Variants in PLXDC1 observed in about 807,000 individuals in gnomAD.
PLXDC1 encodes the protein plexin domain-containing protein 1.
PLXDC1 carries 39 observed loss-of-function variants against 61.3 expected under a neutral mutation model. The observed-to-expected ratio is 0.64, with a 90% CI of 0.49 to 0.83. PLXDC1 has a LOEUF of 0.83. PLXDC1 is among the 40% of genes least tolerant of loss of function. PLXDC1 has a pLI of 0.00. For missense variants in PLXDC1, 596 were observed against 666.5 expected, an observed-to-expected ratio of 0.89 and a Z score of 1.17; for synonymous variants, 212 against 254.5, an observed-to-expected ratio of 0.83 and a Z score of 1.59.
chr17:39,072,687 G>A (rs1909171227), intron 11 of PLXDC1: 1 of 601,310 alleles, frequency 1.7e-6, no homozygotes, highest in Non-Finnish European at 3.0e-6. Flanking sequence ...AGCGGGGACT[G>A]GTGAGAGATG....
At chr17:39,130,239 G>A (rs755580836) in intron 2 of PLXDC1, among the ~76,000 whole-genome samples, 2 of 152,246 alleles carry the variant, frequency 1.3e-5, no homozygotes, top group African/African-American at 2.4e-5. Flanking sequence ...GATCACTTGC[G>A]TCCAGGAGTT....
intron 2 of PLXDC1, among the ~76,000 whole-genome samples, chr17:39,137,840 C>T (rs1911804291): frequency 6.6e-6 from 1 of 151,066 alleles, no homozygotes; most frequent in Non-Finnish European, 1.5e-5. Flanking sequence ...GTGGTACCAG[C>T]AGGCGAGTGG....
At chr17:39,092,665 G>C (rs569666553) in intron 7 of PLXDC1, among the ~76,000 whole-genome samples, 4 of 152,218 alleles carry the variant, frequency 2.6e-5, no homozygotes, top group Admixed American at 6.5e-5. Context: ...AAGTGAGATC[G>C]GAGAGGGGAC....
intron 2 of PLXDC1, among the ~76,000 whole-genome samples, chr17:39,109,670 C>G (rs1168844401): frequency 6.6e-6 from 1 of 152,212 alleles, no homozygotes; most frequent in Non-Finnish European, 1.5e-5. Context: ...TGTTCCCAGA[C>G]AAGCCAGGAG....
At position 39,134,979 on chromosome 17, in the gene PLXDC1, A is replaced by G. The variant is rs569470424; in HGVS notation, c.255+4675T>C. 3.0e-3 allele frequency among the ~76,000 whole-genome samples: 455 copies of G among 152,298 alleles called. 2 individuals are homozygous for G. The highest frequency in any genetic ancestry group is 0.01 in the African/African-American group (432 of 41,554). On this transcript the variant is annotated intron_variant, in intron 2 of 13. Transcript: ENST00000315392. Reference sequence around the variant, plus strand: ...TGCGCCTGACTCATCCTAGCCCACAAGAAGTGGGGATCCCCAAATCTTTTC... The same window carrying G: ...TGCGCCTGACTCATCCTAGCCCACAGGAAGTGGGGATCCCCAAATCTTTTC...
chr17:39,122,014 T>G (rs1262191412), intron 2 of PLXDC1, among the ~76,000 whole-genome samples: 8 of 148,660 alleles, frequency 5.4e-5, no homozygotes, highest in African/African-American at 2.0e-4. Context: ...GGAGAATCAC[T>G]TGAACCCAGG....
At chr17:39,086,138 GATGTCCT>G (rs1187240155) in intron 8 of PLXDC1, among the ~76,000 whole-genome samples, 2 of 152,192 alleles carry the variant, frequency 1.3e-5, no homozygotes, top group African/African-American at 4.8e-5. Flanking sequence ...CCTGCCCTTG[GATGTCCT>G]TGCTCCTAAA....
intron 1 of PLXDC1, among the ~76,000 whole-genome samples, chr17:39,147,834 G>C (rs1260783090): frequency 6.6e-6 from 1 of 152,192 alleles, no homozygotes; most frequent in Non-Finnish European, 1.5e-5. Flanking sequence ...GCACTGTGCT[G>C]GGTGCTGGGG....
intron 2 of PLXDC1, among the ~76,000 whole-genome samples, chr17:39,115,862 C>A (rs529759364): frequency 6.6e-6 from 1 of 152,262 alleles, no homozygotes; most frequent in East Asian, 1.9e-4. Flanking sequence ...TGCCTGTAAT[C>A]CCAGCACTTT....
At position 39,072,489 on chromosome 17, in the gene PLXDC1, C is replaced by A; in HGVS notation, c.1187-4G>T. 1 of 1,527,166 alleles carries A rather than the reference C, an allele frequency of 6.5e-7. No homozygotes were observed. The highest frequency in any genetic ancestry group is 8.9e-7 in the Non-Finnish European group (1 of 1,121,004). The allele number at this position is 1,527,166 out of a possible 1,614,324, so 94.6% of individuals were successfully genotyped here. A position where few individuals can be genotyped will look rare whatever the true frequency, so the allele number is the denominator to read the frequency against. ...TAGGGATTCAACTTGGTGTCATCTT[C>A]AAAGAGAGAAGACAGAAGGAGCAAG... On this transcript the variant is annotated splice_polypyrimidine_tract_variant and splice_region_variant and intron_variant, in intron 11 of 13. Coordinates refer to ENST00000315392, the MANE Select transcript of PLXDC1 (RefSeq NM_020405.5).
intron 1 of PLXDC1, among the ~76,000 whole-genome samples, chr17:39,147,648 G>A (rs1388887513): frequency 7.0e-6 from 1 of 142,402 alleles, no homozygotes; most frequent in Non-Finnish European, 1.5e-5. Flanking sequence ...GGACCACCAG[G>A]TAGCAGAAGG....
chr17:39,145,816 T>C (rs899089161), intron 1 of PLXDC1, among the ~76,000 whole-genome samples: 2 of 152,084 alleles, frequency 1.3e-5, no homozygotes, highest in African/African-American at 2.4e-5. Context: ...AACTACAACA[T>C]TGGACAAATT....
chr17:39,097,714 TAATAAATAAATAAATAAATA>T (rs147959612), intron 7 of PLXDC1, among the ~76,000 whole-genome samples: 1 of 145,882 alleles, frequency 6.9e-6, no homozygotes, highest in East Asian at 2.0e-4. Context: ...TCTTTACAAA[TAATAAATAAATAAATAAATA>T]AATAAATAAA....
At chr17:39,149,538 C>T (rs969080486) in intron 1 of PLXDC1, among the ~76,000 whole-genome samples, 1 of 152,208 alleles carries the variant, frequency 6.6e-6, no homozygotes, top group Non-Finnish European at 1.5e-5. Context: ...TAACCTCTAT[C>T]CCTCCTGCTG....
At chr17:39,102,873 C>T (rs1910471826) in intron 7 of PLXDC1, among the ~76,000 whole-genome samples, 1 of 152,168 alleles carries the variant, frequency 6.6e-6, no homozygotes, top group South Asian at 2.1e-4. Flanking sequence ...AAAACCTAAT[C>T]TCTGTACATC....
At chr17:39,100,554 C>T (rs1048508061) in intron 7 of PLXDC1, among the ~76,000 whole-genome samples, 15 of 152,188 alleles carry the variant, frequency 9.9e-5, no homozygotes, top group East Asian at 3.8e-4. Flanking sequence ...CGTGCCTGGC[C>T]GCTGGCTAAC....
At chr17:39,133,559 C>T (rs1014092046) in intron 2 of PLXDC1, among the ~76,000 whole-genome samples, 20 of 152,260 alleles carry the variant, frequency 1.3e-4, no homozygotes, top group African/African-American at 2.6e-4. Context: ...GGCACAGTCC[C>T]GGCTCTCCTG....
intron 12 of PLXDC1, among the ~76,000 whole-genome samples, chr17:39,070,962 A>C (rs921518349): frequency 6.6e-6 from 1 of 152,242 alleles, no homozygotes; most frequent in Non-Finnish European, 1.5e-5. Context: ...TGGGCGATAG[A>C]GTGAGACTCC....
intron 2 of PLXDC1, among the ~76,000 whole-genome samples, chr17:39,116,185 T>A (rs1910959687): frequency 3.9e-5 from 6 of 152,172 alleles, no homozygotes; most frequent in Admixed American, 1.3e-4. Flanking sequence ...TCAAAGACAG[T>A]GACCTTTCCT....
Sources: allele counts gnomAD v4.1 joint callset (sites outside exome capture counted in the v4.1 genomes callset), GRCh38; gene constraint gnomAD v4.1.1; transcripts MANE v1.5; gene names NCBI Gene and HGNC (gene_info 2026-07-23, HGNC 2026-07-21).